The following PTPRN2 variants were observed in gnomAD, a reference collection of about 807,000 sequenced individuals.
The protein encoded by PTPRN2 is protein tyrosine phosphatase receptor type N2, also known as receptor-type tyrosine-protein phosphatase N2.
In PTPRN2, 74 loss-of-function variants were observed where a neutral mutation model predicts 118.8. The ratio of observed to expected loss-of-function variants is 0.62; its 90% confidence interval spans 0.52 to 0.76. The LOEUF is 0.76. Among genes scored for constraint, PTPRN2 ranks in the 30% least tolerant of loss-of-function variants. The pLI, the probability that PTPRN2 is intolerant of heterozygous loss-of-function variation, is 0.00. For missense variants in PTPRN2, 1,481 were observed against 1,394.4 expected, an observed-to-expected ratio of 1.06 and a Z score of -0.99; for synonymous variants, 641 against 608.0, an observed-to-expected ratio of 1.05 and a Z score of -0.80.
chr7:158,208,605 C>G (rs1827342190), intron 3 of PTPRN2, among the ~76,000 whole-genome samples: 2 of 152,164 alleles, frequency 1.3e-5, no homozygotes, highest in Admixed American at 1.3e-4. Flanking sequence ...CAAACAAAAG[C>G]TGAAGGATTC....
chr7:158,363,872 T>A (rs7809402), intron 2 of PTPRN2, among the ~76,000 whole-genome samples: 134,112 of 152,094 alleles, frequency 0.88, 59,735 homozygotes, highest in Non-Finnish European at 0.94. Context: ...GTCTCTGGTG[T>A]TGATCACAGT....
At chr7:157,692,900 C>A (rs1797581785) in intron 12 of PTPRN2, among the ~76,000 whole-genome samples, 1 of 152,028 alleles carries the variant, frequency 6.6e-6, no homozygotes, top group Non-Finnish European at 1.5e-5. Context: ...TACTCGGGTT[C>A]CCCCAGCGCC....
intron 14 of PTPRN2, among the ~76,000 whole-genome samples, chr7:157,628,476 C>T (rs565688220): frequency 1.1e-3 from 175 of 152,336 alleles, no homozygotes; most frequent in African/African-American, 4.1e-3. Flanking sequence ...CACATGAACA[C>T]ACTGGGAAGG....
chr7:158,381,419 C>T (rs1271639631), intron 2 of PTPRN2, among the ~76,000 whole-genome samples: 2 of 152,188 alleles, frequency 1.3e-5, no homozygotes, highest in Admixed American at 1.3e-4. Flanking sequence ...AGTCTATTTG[C>T]TAAAACATAA....
chr7:158,056,193 C>G (rs1048582785), intron 11 of PTPRN2, among the ~76,000 whole-genome samples: 1 of 152,220 alleles, frequency 6.6e-6, no homozygotes, highest in Non-Finnish European at 1.5e-5. Flanking sequence ...CTAATCTCGC[C>G]TGAAAGGTCA....
intron 2 of PTPRN2, among the ~76,000 whole-genome samples, chr7:158,441,784 G>A (rs796820707): frequency 2.1e-4 from 28 of 135,374 alleles, no homozygotes; most frequent in Middle Eastern, 4.0e-3. Context: ...TGGTGGTGAT[G>A]GTGATAGTGA....
chr7:157,973,534 T>C (rs1802498638), intron 11 of PTPRN2, among the ~76,000 whole-genome samples: 1 of 152,166 alleles, frequency 6.6e-6, no homozygotes, highest in African/African-American at 2.4e-5. Context: ...GAGAAAGATG[T>C]GCATAGAGCC....
At chr7:157,855,276 A>T (rs1809625205) in intron 12 of PTPRN2, among the ~76,000 whole-genome samples, 1 of 152,180 alleles carries the variant, frequency 6.6e-6, no homozygotes, top group Non-Finnish European at 1.5e-5. Flanking sequence ...GCGGACGCCC[A>T]GGGAGCGGCC....
chr7:157,982,482 G>A (rs906545392), intron 11 of PTPRN2, among the ~76,000 whole-genome samples: 5 of 139,036 alleles, frequency 3.6e-5, no homozygotes, highest in African/African-American at 1.1e-4. Context: ...ATAGAGATGA[G>A]GAGGGGAATG....
intron 10 of PTPRN2, among the ~76,000 whole-genome samples, chr7:158,095,781 T>C (rs1814581790): frequency 6.6e-6 from 1 of 152,214 alleles, no homozygotes; most frequent in African/African-American, 2.4e-5. Context: ...TCTTGCTATG[T>C]TGCCCTGGCT....
At chr7:157,569,354 C>T (rs1010892367) in intron 20 of PTPRN2, among the ~76,000 whole-genome samples, 2 of 152,244 alleles carry the variant, frequency 1.3e-5, no homozygotes, top group Non-Finnish European at 2.9e-5. Flanking sequence ...CTAGTGTTGC[C>T]GGGCAACCTC....
intron 21 of PTPRN2, among the ~76,000 whole-genome samples, chr7:157,553,532 T>C (rs1396034879): frequency 6.6e-6 from 1 of 152,176 alleles, no homozygotes; most frequent in Non-Finnish European, 1.5e-5. Flanking sequence ...CATGACATCG[T>C]GGCTCCCTCT....
intron 12 of PTPRN2, among the ~76,000 whole-genome samples, chr7:157,891,198 T>G (rs1796779077): frequency 6.6e-6 from 1 of 152,140 alleles, no homozygotes; most frequent in Admixed American, 6.5e-5. Context: ...CTGCTATTGA[T>G]TTGGCCAAAG....
intron 3 of PTPRN2, among the ~76,000 whole-genome samples, chr7:158,263,985 C>A (rs1797713856): frequency 1.3e-5 from 2 of 152,208 alleles, no homozygotes; most frequent in Admixed American, 6.5e-5. Context: ...AGCCACTGGG[C>A]TCCCTAAATT....
chr7:158,315,143 G>A (rs113343129), intron 3 of PTPRN2, among the ~76,000 whole-genome samples: 55 of 81,398 alleles, frequency 6.8e-4, no homozygotes, highest in African/African-American at 9.1e-4. Flanking sequence ...AGGTGAACCC[G>A]GGACCCCCTG....
Position 157,690,826 on chromosome 7 carries a change from C to T in PTPRN2, c.1789-7889G>A, listed in dbSNP as rs1453347103. Among the ~76,000 whole-genome samples the T allele has an allele frequency of 2.0e-5, 3 of 148,502 alleles. No individual in the cohort carries two copies. Among genetic ancestry groups the T allele is most frequent in the Non-Finnish European group, 3.0e-5 (2 of 66,806 alleles). ...GGAGCCCGCAGGCGCCGGAGCTCTG[C>T]GCGGCCGCTCGGCCCAGCTCCGCGT... On this transcript the variant is annotated intron_variant, in intron 12 of 22. Transcript: ENST00000389418. The surrounding 1 kb of genome is among the most constrained non-coding windows in gnomAD (Gnocchi z 7.1).
intron 6 of PTPRN2, among the ~76,000 whole-genome samples, chr7:158,141,984 C>T (rs373632453): frequency 4.6e-5 from 7 of 152,218 alleles, no homozygotes; most frequent in Admixed American, 1.3e-4. Flanking sequence ...CCGAGTGCCC[C>T]GCTCTGGCCG....
At chr7:158,053,993 CAGAGATGCAGAGACCCT>C (rs1563366475) in intron 11 of PTPRN2, among the ~76,000 whole-genome samples, 3 of 145,608 alleles carry the variant, frequency 2.1e-5, no homozygotes, top group African/African-American at 7.7e-5. Context: ...GCAGAGACCC[CAGAGATGCAGAGACCCT>C]AGAGACGCAG....
At chr7:157,962,108 C>T (rs1801584065) in intron 11 of PTPRN2, among the ~76,000 whole-genome samples, 1 of 152,254 alleles carries the variant, frequency 6.6e-6, no homozygotes. Context: ...TTTTATGAAA[C>T]AGTTTCAGTG....
Sources: gnomAD v4.1 joint callset for allele counts (sites outside exome capture counted in the v4.1 genomes callset) on GRCh38, gnomAD v4.1.1 for gene constraint, Gnocchi (gnomAD v3.1) non-coding constraint, MANE v1.5 for transcripts, NCBI Gene and HGNC (gene_info 2026-07-23, HGNC 2026-07-21) for gene names.